The following GRM4 variants were observed in gnomAD, a reference collection of about 807,000 sequenced individuals.
GRM4 encodes the protein glutamate metabotropic receptor 4, also known as metabotropic glutamate receptor 4.
A neutral mutation model predicts 81.7 loss-of-function variants in GRM4; 28 were observed. The observed-to-expected ratio is 0.34, with a 90% CI of 0.25 to 0.47. The LOEUF is 0.47. Among genes scored for constraint, GRM4 ranks in the 20% least tolerant of loss-of-function variants. GRM4 has a pLI of 1.00. For synonymous variants in GRM4, 488 were observed against 528.8 expected, an observed-to-expected ratio of 0.92 and a Z score of 1.06; for missense variants, 948 against 1,290.0, an observed-to-expected ratio of 0.73 and a Z score of 4.06.
exon 1 of GRM4, chr6:34,155,459 A>T: frequency 1.0e-6 from 1 of 999,286 alleles, no homozygotes; most frequent in Non-Finnish European, 1.4e-6. Flanking sequence ...CTCGACGCAC[A>T]TTGGAGTTAC....
chr6:34,118,658 T>A (rs1479583538), intron 2 of GRM4, among the ~76,000 whole-genome samples: 1 of 152,242 alleles, frequency 6.6e-6, no homozygotes, highest in Non-Finnish European at 1.5e-5. Flanking sequence ...AGGCCCTCTG[T>A]CCCATTGCAG....
chr6:34,111,859 C>T lies in GRM4; in HGVS notation c.520-19760G>A, dbSNP rs536124250. 6.6e-6 allele frequency among the ~76,000 whole-genome samples: 1 copy of T among 152,276 alleles called. No individual in the cohort carries two copies. Among genetic ancestry groups the T allele is most frequent in the East Asian group, 1.9e-4 (1 of 5,174 alleles). On this transcript the variant is annotated intron_variant, in intron 2 of 10. Transcript: ENST00000538487. This position sits in a 1 kb window ranked among gnomAD's most constrained non-coding sequence, Gnocchi z 5.1. ...TCACCAGCCTGCCCAGGAATTGGCA[C>T]TGCTTGGGGGAGTGTGGCCAGACCA...
At chr6:34,041,821 T>C (rs1433051090) in intron 6 of GRM4, among the ~76,000 whole-genome samples, 1 of 152,220 alleles carries the variant, frequency 6.6e-6, no homozygotes, top group Admixed American at 6.5e-5. Flanking sequence ...GATAACATAT[T>C]GAATAACAAC....
At chr6:34,119,954 G>C (rs944376232) in intron 2 of GRM4, among the ~76,000 whole-genome samples, 1 of 152,176 alleles carries the variant, frequency 6.6e-6, no homozygotes, top group African/African-American at 2.4e-5. Flanking sequence ...ACCCCAGCCC[G>C]TACGCAGGCC....
intron 9 of GRM4, among the ~76,000 whole-genome samples, chr6:34,033,733 A>G (rs1764558620): frequency 3.9e-5 from 5 of 129,818 alleles, no homozygotes; most frequent in Admixed American, 3.8e-4. Flanking sequence ...CTCTCTCTTT[A>G]TTTCTTTTCT....
At chr6:34,077,011 T>TGCTGGA (rs145505463) in intron 3 of GRM4, among the ~76,000 whole-genome samples, 8,862 of 151,736 alleles carry the variant, frequency 0.058, 594 homozygotes, top group African/African-American at 0.16. Flanking sequence ...TCTTCCTGTA[T>TGCTGGA]GCTGGAGCTG....
Position 34,035,992 on chromosome 6 carries a change from G to A in GRM4, c.2118C>T (p.Leu706=), listed in dbSNP as rs757700256. ...AGATGCCCAGCAGCTGCAGCGAGAT[G>A]AGGCTGAAGGTGATGGCCAGCTGTG... ...PASQLAITFS[L]ISLQLLGICV... Residue 706 remains leucine (L), a synonymous_variant, in exon 9 of 11, where the codon CTC becomes CTT. Coordinates refer to ENST00000538487, the MANE Select transcript of GRM4 (RefSeq NM_000841.4). This position sits in a 1 kb window ranked among gnomAD's most constrained non-coding sequence, Gnocchi z 6.6. 1.2e-6 allele frequency: 2 copies of A among 1,613,592 alleles called. No homozygotes were observed. Among genetic ancestry groups the A allele is most frequent in the South Asian group, 2.2e-5 (2 of 91,066 alleles).
chr6:34,066,942 G>A (rs1200093571), intron 3 of GRM4, among the ~76,000 whole-genome samples: 3 of 152,088 alleles, frequency 2.0e-5, no homozygotes, highest in East Asian at 1.9e-4. Context: ...CTGCATAGCC[G>A]CAGCTAGCCC....
At chr6:34,076,977 G>C (rs1767345721) in intron 3 of GRM4, among the ~76,000 whole-genome samples, 1 of 151,984 alleles carries the variant, frequency 6.6e-6, no homozygotes, top group Admixed American at 6.5e-5. Flanking sequence ...AGAGCCTTGG[G>C]GAGCAAGGGC....
intron 2 of GRM4, 71 bp downstream of exon 2, chr6:34,132,907 G>T: frequency 7.6e-7 from 1 of 1,315,898 alleles, no homozygotes; most frequent in Non-Finnish European, 1.1e-6. Flanking sequence ...GGCCAGGCCT[G>T]GCACCCTGAA....
rs540499524 is a variant in GRM4, at chr6:34,123,019, G to T, written c.519+9959C>A. 3.3e-5 allele frequency among the ~76,000 whole-genome samples: 5 copies of T among 152,274 alleles called. No individual in the cohort carries two copies. In the East Asian group the frequency reaches 9.7e-4, roughly 29 times the overall value. On this transcript the variant is annotated intron_variant, in intron 2 of 10. Transcript: ENST00000538487. The stretch of plus-strand genomic sequence containing the variant: ...AGGCACAGAGCATGACGGGGTGAGG[G>T]GGAGCAGGGTCACCTCAGAGCCTCA...
At chr6:34,025,757 C>T (rs912846615) in intron 10 of GRM4, among the ~76,000 whole-genome samples, 7 of 152,332 alleles carry the variant, frequency 4.6e-5, no homozygotes, top group Middle Eastern at 3.4e-3. Flanking sequence ...TGCCATGTGG[C>T]CCTTCTAACA....
intron 3 of GRM4, among the ~76,000 whole-genome samples, chr6:34,067,518 A>ATCCCTCCCTCCCTTTCTTCCTCCC (rs1766545499): frequency 1.5e-5 from 1 of 65,242 alleles, no homozygotes; most frequent in African/African-American, 6.0e-5. Flanking sequence ...TCCTTCCTCC[A>ATCCCTCCCTCCCTTTCTTCCTCCC]TCCCTCCCTC....
intron 9 of GRM4, among the ~76,000 whole-genome samples, chr6:34,031,999 A>ACC (rs1423720902): frequency 0.011 from 1,680 of 150,930 alleles, 16 homozygotes; most frequent in East Asian, 0.024. Context: ...ACACACACAC[A>ACC]CCTCTTCACA....
chr6:34,046,609 C>T (rs1430446252), intron 6 of GRM4, among the ~76,000 whole-genome samples: 1 of 152,226 alleles, frequency 6.6e-6, no homozygotes, highest in Non-Finnish European at 1.5e-5. Context: ...ATAAATGCTC[C>T]AGCTCCGCCA....
At chr6:34,079,855 T>C (rs1767495605) in intron 3 of GRM4, among the ~76,000 whole-genome samples, 3 of 152,152 alleles carry the variant, frequency 2.0e-5, no homozygotes, top group Non-Finnish European at 4.4e-5. Flanking sequence ...TTGTCACCTC[T>C]TGCCTGGACT....
chr6:34,147,017 G>A (rs181050299), upstream of GRM4, among the ~76,000 whole-genome samples: 55 of 152,280 alleles, frequency 3.6e-4, no homozygotes, highest in Non-Finnish European at 5.7e-4. Flanking sequence ...GCATCATTTG[G>A]CCATGGAGCC....
Position 34,092,174 on chromosome 6 carries a change from A to G in GRM4, c.520-75T>C, listed in dbSNP as rs556152084. The G allele has an allele frequency of 5.3e-5, 51 of 970,274 alleles. No individual in the cohort carries two copies. The South Asian group carries it at 7.5e-4, about 14-fold the overall frequency. The allele number at this position is 970,274 out of a possible 1,614,324, so 60.1% of individuals were successfully genotyped here. ...CCTAGCCAGCCCCATTCCCCTACAC[A>G]CCAACCTCCCTTTGGTCCCCACAGC... is the stretch of plus-strand genomic sequence containing the variant. On this transcript the variant is annotated intron_variant, in intron 2 of 10. Coordinates refer to ENST00000538487, the MANE Select transcript of GRM4 (RefSeq NM_000841.4). This position sits in a 1 kb window ranked among gnomAD's most constrained non-coding sequence, Gnocchi z 6.8.
chr6:34,044,489 CAT>C (rs1163996994), intron 6 of GRM4, among the ~76,000 whole-genome samples: 1 of 149,256 alleles, frequency 6.7e-6, no homozygotes, highest in Non-Finnish European at 1.5e-5. Flanking sequence ...TACACATATA[CAT>C]AGACATACAC....
Sources: allele counts gnomAD v4.1 joint callset (sites outside exome capture counted in the v4.1 genomes callset), GRCh38; gene constraint gnomAD v4.1.1; non-coding constraint Gnocchi (gnomAD v3.1); transcripts MANE v1.5; gene names NCBI Gene and HGNC (gene_info 2026-07-23, HGNC 2026-07-21).